RBFOX1: variants seen among roughly 807,000 people sequenced by gnomAD.
RBFOX1 encodes RNA binding fox-1 homolog 1, also known as RNA binding protein fox-1 homolog 1.
Under a neutral mutation model 57.7 loss-of-function variants are expected in RBFOX1, and 8 were observed. The observed-to-expected ratio is 0.14, with a 90% confidence interval of 0.08 to 0.25. The LOEUF (loss-of-function observed/expected upper bound fraction) is 0.25, where lower values mean the gene tolerates loss of function less well. RBFOX1 is among the 10% of genes least tolerant of loss of function. RBFOX1 has a pLI of 1.00. For missense variants in RBFOX1, 611 were observed against 548.5 expected (o/e 1.11, Z -1.14); for synonymous variants, 326 against 222.4 (o/e 1.47, Z -4.15).
At chr16:6,740,541 A>C (rs1044722963) in intron 3 of RBFOX1, among the ~76,000 whole-genome samples, 8 of 152,246 alleles carry the variant, frequency 5.3e-5, no homozygotes, top group South Asian at 2.1e-4. Context: ...TAGCTCACCA[A>C]AGTCACAGGA....
intron 3 of RBFOX1, among the ~76,000 whole-genome samples, chr16:5,746,168 T>C (rs2052972868): frequency 6.6e-6 from 1 of 152,222 alleles, no homozygotes; most frequent in Non-Finnish European, 1.5e-5. Flanking sequence ...GCTAGCCAGT[T>C]TTCCCAGCAC....
chr16:6,065,460 A>G (rs1231263483), intron 1 of RBFOX1, among the ~76,000 whole-genome samples: 1 of 152,140 alleles, frequency 6.6e-6, no homozygotes, highest in Non-Finnish European at 1.5e-5. Flanking sequence ...CTTCATGGTC[A>G]TAGATCATTT....
At chr16:6,473,816 G>T (rs996573479) in intron 2 of RBFOX1, among the ~76,000 whole-genome samples, 1 of 152,138 alleles carries the variant, frequency 6.6e-6, no homozygotes, top group Non-Finnish European at 1.5e-5. Flanking sequence ...AAGTAGAAAG[G>T]GGTGTTCCTT....
intron 1 of RBFOX1, among the ~76,000 whole-genome samples, chr16:6,154,962 T>A (rs2343523): frequency 0.37 from 56,901 of 152,124 alleles, 12,202 homozygotes; most frequent in Non-Finnish European, 0.49. Context: ...CAAAATGGTT[T>A]TGTTTTTTGT....
chr16:6,419,943 A>G (rs1395784632), intron 2 of RBFOX1, among the ~76,000 whole-genome samples: 2 of 152,194 alleles, frequency 1.3e-5, no homozygotes, highest in Non-Finnish European at 2.9e-5. Context: ...GACATGCTGC[A>G]GGCCCCCCCA....
At chr16:7,542,759 C>T (rs1484653338) in intron 5 of RBFOX1, among the ~76,000 whole-genome samples, 7 of 146,066 alleles carry the variant, frequency 4.8e-5, no homozygotes, top group Middle Eastern at 3.7e-3. Context: ...CCCAGCTACT[C>T]GGGTGGCTGA....
intron 2 of RBFOX1, among the ~76,000 whole-genome samples, chr16:5,551,106 C>T (rs2045445449): frequency 6.6e-6 from 1 of 152,134 alleles, no homozygotes; most frequent in South Asian, 2.1e-4. Context: ...TTTCTCCTGC[C>T]ACTCTTGCCT....
chr16:7,158,446 C>G lies in RBFOX1; in HGVS notation c.27+106348C>G, dbSNP rs114446942. ...GGTCTTATACAGACATTGATACCACCTACTGATGCAATCTCCTGACCTTTT... is the reference window on the plus strand; with the variant it reads ...GGTCTTATACAGACATTGATACCACGTACTGATGCAATCTCCTGACCTTTT... On this transcript the variant is annotated intron_variant, in intron 4 of 15. Transcript: ENST00000550418. Among the ~76,000 whole-genome samples the G allele has an allele frequency of 1.3e-5, 2 of 152,168 alleles. 1 individual carries two copies. Among genetic ancestry groups the G allele is most frequent in the Non-Finnish European group, 2.9e-5 (2 of 68,026 alleles).
Position 7,507,561 on chromosome 16 carries a change from C to CTTTTTTTTTT in RBFOX1, c.28-10583_28-10582insTTTTTTTTTT, listed in dbSNP as rs200393762. On this transcript the variant is annotated intron_variant, in intron 4 of 15. Coordinates refer to ENST00000550418, the MANE Select transcript of RBFOX1 (RefSeq NM_018723.4). The stretch of plus-strand genomic sequence containing the variant: ...TTGGAACGTGATTTTTTTTTTCTTT[C>CTTTTTTTTTT]TTTCTTTTTTTTTTTTTTTTGAGAC... Among the ~76,000 whole-genome samples the CTTTTTTTTTT allele has an allele frequency of 8.6e-4, 106 of 122,922 alleles. 3 individuals are homozygous for CTTTTTTTTTT. The highest frequency in any genetic ancestry group is 2.7e-3 in the African/African-American group (93 of 34,604). The allele number at this position is 122,922 out of a possible 152,430, so 80.6% of individuals were successfully genotyped here.
intron 1 of RBFOX1, among the ~76,000 whole-genome samples, chr16:6,208,243 A>G (rs184391976): frequency 1.1e-3 from 165 of 152,200 alleles, no homozygotes; most frequent in African/African-American, 3.5e-3. Context: ...AGTGATACAT[A>G]TTTCTGGGTG....
intron 2 of RBFOX1, among the ~76,000 whole-genome samples, chr16:6,377,118 A>G (rs1412942581): frequency 6.6e-6 from 1 of 151,792 alleles, no homozygotes; most frequent in Non-Finnish European, 1.5e-5. Flanking sequence ...ACAAAAAAAA[A>G]TTAAAAATTA....
intron 1 of RBFOX1, among the ~76,000 whole-genome samples, chr16:6,267,099 C>A (rs915085820): frequency 6.6e-6 from 1 of 152,134 alleles, no homozygotes; most frequent in African/African-American, 2.4e-5. Context: ...GAGTTCCCCA[C>A]AGCCACACAA....
intron 3 of RBFOX1, among the ~76,000 whole-genome samples, chr16:6,993,062 A>G (rs2091755556): frequency 6.6e-6 from 1 of 152,162 alleles, no homozygotes; most frequent in Admixed American, 6.5e-5. Flanking sequence ...CCTGGTCCTC[A>G]CAGTCATTCC....
chr16:6,806,836 A>ATTTTTTTTT (rs1555488600), intron 3 of RBFOX1, among the ~76,000 whole-genome samples: 1 of 91,906 alleles, frequency 1.1e-5, no homozygotes, highest in African/African-American at 4.1e-5. Context: ...ATATATATAT[A>ATTTTTTTTT]TTTTTTTTTT....
Position 5,526,592 on chromosome 16 carries a change from A to T in RBFOX1, c.258+59338A>T, listed in dbSNP as rs116752999. On this transcript the variant is annotated intron_variant, in intron 2 of 2. Coordinates refer to the RBFOX1 transcript ENST00000585867. ...GTGTGAGCCACCACACCTGGCTTCC[A>T]CTCCCTTTTGTGATGCTCAGAGAGG... 4.1e-3 allele frequency among the ~76,000 whole-genome samples: 618 copies of T among 151,986 alleles called. 4 individuals are homozygous for T. The highest frequency in any genetic ancestry group is 0.014 in the African/African-American group (579 of 41,470).
chr16:6,947,514 G>T (rs2079799124), intron 3 of RBFOX1, among the ~76,000 whole-genome samples: 2 of 152,174 alleles, frequency 1.3e-5, no homozygotes, highest in South Asian at 4.1e-4. Flanking sequence ...GAGCGAAAAA[G>T]AGATGTGAGA....
At chr16:6,503,995 G>T (rs550549153) in intron 2 of RBFOX1, among the ~76,000 whole-genome samples, 2 of 152,302 alleles carry the variant, frequency 1.3e-5, no homozygotes, top group South Asian at 4.1e-4. Flanking sequence ...CCCTTTTTAA[G>T]AGCAGCCTTC....
chr16:6,643,990 G>T (rs2098513122), intron 2 of RBFOX1, among the ~76,000 whole-genome samples: 1 of 152,140 alleles, frequency 6.6e-6, no homozygotes. Flanking sequence ...GCCAGACGTG[G>T]TAGCATGCAC....
At chr16:6,644,805 C>T (rs1209669192) in intron 2 of RBFOX1, among the ~76,000 whole-genome samples, 1 of 152,096 alleles carries the variant, frequency 6.6e-6, no homozygotes, top group Non-Finnish European at 1.5e-5. Flanking sequence ...TTTCTTGTCC[C>T]CTAGAGCTTA....
Sources: allele counts gnomAD v4.1 joint callset (sites outside exome capture counted in the v4.1 genomes callset), GRCh38; gene constraint gnomAD v4.1.1; transcripts MANE v1.5; gene names NCBI Gene and HGNC (gene_info 2026-07-23, HGNC 2026-07-21).